The following ROBO1 variants were observed in gnomAD, a reference collection of about 807,000 sequenced individuals.
ROBO1 encodes the protein roundabout homolog 1.
ROBO1 carries 149 observed loss-of-function variants against 195.9 expected under a neutral mutation model. The observed-to-expected ratio is 0.76, with a 90% CI of 0.67 to 0.87. The LOEUF (loss-of-function observed/expected upper bound fraction) is 0.87, where lower values mean the gene tolerates loss of function less well. Ranked by LOEUF, ROBO1 falls within the 40% of genes least tolerant of loss-of-function variation. The probability of loss-of-function intolerance (pLI) is 0.00; values close to 1 mark genes in which losing one functional copy is unlikely to be tolerated. For missense variants in ROBO1, 1,933 were observed against 2,068.3 expected (o/e 0.93, Z 1.27); for synonymous variants, 816 against 733.2 (o/e 1.11, Z -1.82).
chr3:78,901,462 T>C (rs2037582266), intron 4 of ROBO1, among the ~76,000 whole-genome samples: 1 of 152,200 alleles, frequency 6.6e-6, no homozygotes, highest in Admixed American at 6.5e-5. Flanking sequence ...ATAGTAAATA[T>C]AAAAGAGGAG....
At chr3:79,337,270 A>G (rs950188404) in intron 2 of ROBO1, among the ~76,000 whole-genome samples, 10 of 152,180 alleles carry the variant, frequency 6.6e-5, no homozygotes, top group African/African-American at 2.4e-4. Flanking sequence ...GTGGAATGAT[A>G]TGGATTGTCT....
chr3:79,558,081 A>G (rs769581759), intron 2 of ROBO1, among the ~76,000 whole-genome samples: 2 of 152,162 alleles, frequency 1.3e-5, no homozygotes, highest in Non-Finnish European at 2.9e-5. Context: ...ATTTGTTTCT[A>G]ATTCATTCTA....
At chr3:78,754,716 T>C (rs2082884191) in intron 4 of ROBO1, among the ~76,000 whole-genome samples, 1 of 152,152 alleles carries the variant, frequency 6.6e-6, no homozygotes, top group Non-Finnish European at 1.5e-5. Flanking sequence ...GACACACATA[T>C]TCAAATAAAC....
At chr3:78,616,288 C>T (rs1177946722) in intron 27 of ROBO1, among the ~76,000 whole-genome samples, 2 of 151,914 alleles carry the variant, frequency 1.3e-5, no homozygotes, top group African/African-American at 2.4e-5. Context: ...AAACAAAAGC[C>T]GTATGTAAAG....
At chr3:79,453,985 T>A (rs570494352) in intron 2 of ROBO1, among the ~76,000 whole-genome samples, 2 of 152,222 alleles carry the variant, frequency 1.3e-5, no homozygotes, top group South Asian at 4.1e-4. Flanking sequence ...TCCTCATACT[T>A]GGTCAGCCTA....
intron 1 of ROBO1, among the ~76,000 whole-genome samples, chr3:79,646,915 G>A (rs1945836333): frequency 6.6e-6 from 1 of 151,950 alleles, no homozygotes. Context: ...AAGGCTAAGA[G>A]GGAAAGGGGA....
At chr3:79,640,099 T>C (rs776409799) in intron 1 of ROBO1, among the ~76,000 whole-genome samples, 6 of 152,304 alleles carry the variant, frequency 3.9e-5, no homozygotes, top group South Asian at 2.1e-4. Context: ...ACACAACTAA[T>C]GAAGTCTACC....
chr3:79,667,013 CA>C (rs1434539166), intron 1 of ROBO1, among the ~76,000 whole-genome samples: 2 of 151,792 alleles, frequency 1.3e-5, no homozygotes, highest in African/African-American at 2.4e-5. Flanking sequence ...AATATTTACA[CA>C]AAATTTCTTC....
chr3:79,283,186 T>C (rs896112604), intron 2 of ROBO1, among the ~76,000 whole-genome samples: 41 of 152,294 alleles, frequency 2.7e-4, no homozygotes, highest in African/African-American at 9.4e-4. Context: ...AGTTTTCCCA[T>C]AGATGGGGAC....
intron 2 of ROBO1, among the ~76,000 whole-genome samples, chr3:79,196,437 T>C (rs2081638018): frequency 6.6e-6 from 1 of 151,106 alleles, no homozygotes; most frequent in African/African-American, 2.4e-5. Flanking sequence ...ATAAAGAGCA[T>C]GGAAACAAAA....
intron 23 of ROBO1, among the ~76,000 whole-genome samples, 152 bp from the exon 24 acceptor site, chr3:78,634,194 C>T (rs1020572478): frequency 2.0e-5 from 3 of 151,836 alleles, no homozygotes; most frequent in Non-Finnish European, 4.4e-5. Context: ...TTCAGATTGT[C>T]AGGATATAAA....
At chr3:79,403,436 T>G (rs1375885082) in intron 2 of ROBO1, among the ~76,000 whole-genome samples, 2 of 152,080 alleles carry the variant, frequency 1.3e-5, no homozygotes, top group African/African-American at 4.8e-5. Context: ...CACACTGTTC[T>G]ACATCATTAT....
At chr3:79,654,350 G>C (rs1946098433) in intron 1 of ROBO1, among the ~76,000 whole-genome samples, 1 of 151,968 alleles carries the variant, frequency 6.6e-6, no homozygotes, top group Admixed American at 6.6e-5. Context: ...GTGGCAAACA[G>C]TGTTTCATAG....
chr3:79,216,259 G>A (rs552288080), intron 2 of ROBO1, among the ~76,000 whole-genome samples: 30 of 152,120 alleles, frequency 2.0e-4, no homozygotes, highest in Non-Finnish European at 3.7e-4. Context: ...GAAATGACAC[G>A]TATCTATCTG....
chr3:79,592,497 G>GTA lies in ROBO1; in HGVS notation c.-50-2538_-50-2537dup, dbSNP rs140840270. 5.5e-4 allele frequency among the ~76,000 whole-genome samples: 84 copies of GTA among 152,010 alleles called. 3 individuals carry two copies. In the East Asian group the frequency reaches 0.013, roughly 24 times the overall value. On this transcript the variant is annotated intron_variant, in intron 1 of 30. Coordinates refer to ENST00000464233, the MANE Select transcript of ROBO1 (RefSeq NM_002941.4). ...AATGGGAATTGCATTATTAGCTATT[G>GTA]TACACTTATCATTTCAGTACTTTGA...
At chr3:78,807,440 C>T (rs1246515691) in intron 4 of ROBO1, among the ~76,000 whole-genome samples, 2 of 152,032 alleles carry the variant, frequency 1.3e-5, no homozygotes, top group Non-Finnish European at 2.9e-5. Context: ...AAAAAAATTC[C>T]ATAGGCAAAA....
intron 5 of ROBO1, among the ~76,000 whole-genome samples, chr3:78,722,338 T>G (rs1320111222): frequency 6.6e-6 from 1 of 152,146 alleles, no homozygotes; most frequent in African/African-American, 2.4e-5. Flanking sequence ...CTGGAGTTTG[T>G]TTACTCTGTC....
chr3:78,702,151 T>C (rs910132495), intron 8 of ROBO1, among the ~76,000 whole-genome samples: 1 of 152,204 alleles, frequency 6.6e-6, no homozygotes, highest in Non-Finnish European at 1.5e-5. Flanking sequence ...ACTACTCTAA[T>C]GATGACCCTG....
At position 79,718,640 on chromosome 3, in the gene ROBO1, T is replaced by G. The variant is rs191039619; in HGVS notation, c.-51+49112A>C. Among the ~76,000 whole-genome samples, 544 of 152,108 alleles carry G rather than the reference T, an allele frequency of 3.6e-3. 4 individuals are homozygous for G. The highest frequency in any genetic ancestry group is 0.012 in the African/African-American group (478 of 41,544). On this transcript the variant is annotated intron_variant, in intron 1 of 30. Coordinates refer to ENST00000464233, the MANE Select transcript of ROBO1 (RefSeq NM_002941.4). The stretch of plus-strand genomic sequence containing the variant: ...AATAAAAGATAAAATAATTTGAACA[T>G]GCTAAAGATATTAAATAATGTGCAG...
Sources: allele counts gnomAD v4.1 joint callset (sites outside exome capture counted in the v4.1 genomes callset), GRCh38; gene constraint gnomAD v4.1.1; transcripts MANE v1.5; gene names NCBI Gene and HGNC (gene_info 2026-07-23, HGNC 2026-07-21).